BAZ2B: variants seen among roughly 807,000 people sequenced by gnomAD.
BAZ2B encodes bromodomain adjacent to zinc finger domain 2B.
In BAZ2B, 91 loss-of-function variants were observed where a neutral mutation model predicts 246.0. That is an observed-to-expected ratio of 0.37 (90% CI 0.31 to 0.44). The LOEUF is 0.44. Among genes scored for constraint, BAZ2B ranks in the 20% least tolerant of loss-of-function variants. The pLI, the probability that BAZ2B is intolerant of heterozygous loss-of-function variation, is 1.00. For synonymous variants in BAZ2B, 855 were observed against 860.0 expected (o/e 0.99, Z 0.10); for missense variants, 2,332 against 2,533.7 (o/e 0.92, Z 1.71).
chr2:159,354,086 T>C (rs1036432130), intron 27 of BAZ2B, among the ~76,000 whole-genome samples: 1 of 152,194 alleles, frequency 6.6e-6, no homozygotes, highest in African/African-American at 2.4e-5. Flanking sequence ...CATATACCTG[T>C]GTGTTCCAAT....
At position 159,365,946 on chromosome 2, in the gene BAZ2B, C is replaced by T. The variant is rs140241440; in HGVS notation, c.4213+7099G>A. On this transcript the variant is annotated intron_variant, in intron 27 of 36. Coordinates refer to ENST00000392783, the MANE Select transcript of BAZ2B (RefSeq NM_013450.4). ...AATAATCCTCTGCAGCGATCCCACA[C>T]AATGACAGTGCAAAGCTATCACAAT... Among the ~76,000 whole-genome samples the T allele has an allele frequency of 1.6e-3, 250 of 152,338 alleles. 5 individuals carry two copies. The highest frequency in any genetic ancestry group is 0.014 in the Admixed American group (217 of 15,304).
chr2:159,318,670 G>A (rs1012097686), downstream of BAZ2B, among the ~76,000 whole-genome samples: 1 of 152,144 alleles, frequency 6.6e-6, no homozygotes, highest in African/African-American at 2.4e-5. Flanking sequence ...CTTGACAACT[G>A]AGTTATTTGG....
chr2:159,501,226 T>A (rs536901178), intron 2 of BAZ2B, among the ~76,000 whole-genome samples: 1,797 of 112,374 alleles, frequency 0.016, 44 homozygotes, highest in Admixed American at 0.024. Context: ...ATATATATAT[T>A]TATATATATA....
the BAZ2B span, among the ~76,000 whole-genome samples, chr2:159,682,708 C>T: frequency 1.3e-5 from 2 of 152,124 alleles, no homozygotes; most frequent in African/African-American, 4.8e-5. Context: ...TTTCATATAA[C>T]GAGAAGACAG....
At chr2:159,658,246 A>C in the BAZ2B span, among the ~76,000 whole-genome samples, 1 of 152,186 alleles carries the variant, frequency 6.6e-6, no homozygotes, top group Non-Finnish European at 1.5e-5. Context: ...TGCTAAACCA[A>C]CCTTGCATAA....
chr2:159,397,280 CA>C (rs1003051764), intron 19 of BAZ2B, 64 bp downstream of exon 19: 3 of 1,345,258 alleles, frequency 2.2e-6, no homozygotes, highest in Non-Finnish European at 3.1e-6. Context: ...GATTTTCCCC[CA>C]AATAGGTTTA....
intron 2 of BAZ2B, among the ~76,000 whole-genome samples, chr2:159,514,189 T>C (rs2083210338): frequency 1.3e-5 from 2 of 152,188 alleles, no homozygotes; most frequent in African/African-American, 2.4e-5. Context: ...TCTCCACTCC[T>C]ACTACATGTG....
intron 1 of BAZ2B, among the ~76,000 whole-genome samples, chr2:159,586,400 C>A (rs990818383): frequency 1.3e-5 from 2 of 152,028 alleles, no homozygotes; most frequent in African/African-American, 4.8e-5. Context: ...ATCATCTACA[C>A]AGAATTCAGA....
chr2:159,663,524 T>C, the BAZ2B span, among the ~76,000 whole-genome samples: 39 of 151,028 alleles, frequency 2.6e-4, no homozygotes, highest in African/African-American at 9.5e-4. Flanking sequence ...TTTTTTTTTT[T>C]TCTTTTTTGA....
Position 159,348,970 on chromosome 2 carries a change from T to C in BAZ2B, c.5137+37A>G, listed in dbSNP as rs374460414. 5.6e-6 allele frequency: 9 copies of C among 1,601,302 alleles called. No individual in the cohort carries two copies. The Admixed American group carries it at 6.8e-5, about 12-fold the overall frequency. On this transcript the variant is annotated intron_variant, in intron 29 of 36. Transcript: ENST00000392783. ...AATACAGGAATCCATAATATTGAAA[T>C]TGAGTAAGTGGCTGTAAACCATCTC...
At chr2:159,506,819 C>T (rs540460688) in intron 2 of BAZ2B, among the ~76,000 whole-genome samples, 330 of 152,226 alleles carry the variant, frequency 2.2e-3, no homozygotes, top group Non-Finnish European at 3.8e-3. Context: ...CTTTTCCACC[C>T]TCAGTAATTT....
chr2:159,501,758 G>A (rs2081870116), intron 2 of BAZ2B, among the ~76,000 whole-genome samples: 1 of 151,984 alleles, frequency 6.6e-6, no homozygotes, highest in Non-Finnish European at 1.5e-5. Flanking sequence ...TCCTCAAAAG[G>A]CTAAACATTA....
At chr2:159,412,985 T>C (rs1271220919) in intron 13 of BAZ2B, among the ~76,000 whole-genome samples, 1 of 152,160 alleles carries the variant, frequency 6.6e-6, no homozygotes, top group East Asian at 1.9e-4. Context: ...AGCTAACAAA[T>C]TAAGACAGAA....
chr2:159,413,514 CCTG>C (rs1337926039), intron 13 of BAZ2B, among the ~76,000 whole-genome samples: 1 of 151,988 alleles, frequency 6.6e-6, no homozygotes, highest in African/African-American at 2.4e-5. Context: ...TCGAGACCAG[CCTG>C]GCCAACATGG....
intron 2 of BAZ2B, among the ~76,000 whole-genome samples, chr2:159,538,274 C>G (rs1036890667): frequency 2.6e-5 from 4 of 152,220 alleles, no homozygotes; most frequent in African/African-American, 7.2e-5. Flanking sequence ...GGCTTCTGAT[C>G]TTCACCTGAA....
At chr2:159,511,364 C>T (rs776898942) in intron 2 of BAZ2B, among the ~76,000 whole-genome samples, 11 of 152,006 alleles carry the variant, frequency 7.2e-5, no homozygotes, top group East Asian at 3.9e-4. Flanking sequence ...ACACCACACC[C>T]GGCTAATTTT....
chr2:159,404,368 A>T (rs1287960894), intron 16 of BAZ2B: 1 of 137,762 alleles, frequency 7.3e-6, no homozygotes, highest in Non-Finnish European at 1.6e-5. Flanking sequence ...TAATGCTGTC[A>T]TCATTTTTTT....
intron 13 of BAZ2B, among the ~76,000 whole-genome samples, chr2:159,413,737 C>T (rs539082531): frequency 3.3e-5 from 5 of 150,938 alleles, no homozygotes; most frequent in Non-Finnish European, 7.4e-5. Context: ...AATAGATAAA[C>T]TGTTAAGAAA....
chr2:159,454,615 C>T (rs558694655), intron 3 of BAZ2B, among the ~76,000 whole-genome samples: 1 of 152,264 alleles, frequency 6.6e-6, no homozygotes, highest in South Asian at 2.1e-4. Context: ...TATATGTGGT[C>T]AGGCATTGAC....
Sources: gnomAD v4.1 joint callset for allele counts (sites outside exome capture counted in the v4.1 genomes callset) on GRCh38, gnomAD v4.1.1 for gene constraint, MANE v1.5 for transcripts, NCBI Gene and HGNC (gene_info 2026-07-23, HGNC 2026-07-21) for gene names.